GPR137C: variants seen among roughly 807,000 people sequenced by gnomAD.
GPR137C encodes integral membrane protein GPR137C.
GPR137C carries 27 observed loss-of-function variants against 43.4 expected under a neutral mutation model. The ratio of observed to expected loss-of-function variants is 0.62; its 90% CI spans 0.46 to 0.86. The LOEUF (loss-of-function observed/expected upper bound fraction) is 0.86, where lower values mean the gene tolerates loss of function less well. Among genes scored for constraint, GPR137C ranks in the 40% least tolerant of loss-of-function variants. GPR137C has a pLI of 0.00. For missense variants in GPR137C, 522 were observed against 534.6 expected (o/e 0.98, Z 0.23); for synonymous variants, 285 against 226.9 (o/e 1.26, Z -2.30).
chr14:52,598,633 T>G (rs776889185), intron 2 of GPR137C, among the ~76,000 whole-genome samples: 3 of 152,166 alleles, frequency 2.0e-5, no homozygotes, highest in Non-Finnish European at 4.4e-5. Context: ...AAAGTTAGAT[T>G]ATGCTGTTTG....
Position 52,560,646 on chromosome 14 carries a change from G to T in GPR137C, c.444+7055G>T, listed in dbSNP as rs954660182. On this transcript the variant is annotated intron_variant, in intron 1 of 6. Transcript: ENST00000321662. ...GATTTTTTTCCCCAAAAGTGCCAAG[G>T]TAATTTAGTGGGGAAAAGTTTTGTC... Among the ~76,000 whole-genome samples, 9 of 152,246 alleles carry T rather than the reference G, an allele frequency of 5.9e-5. No individual in the cohort carries two copies. The South Asian group carries it at 8.3e-4, about 14-fold the overall frequency.
chr14:52,616,574 G>T (rs114189548), intron 3 of GPR137C, among the ~76,000 whole-genome samples: 1 of 152,104 alleles, frequency 6.6e-6, no homozygotes, highest in East Asian at 1.9e-4. Flanking sequence ...AGTTACAGGC[G>T]TGAGGCACTG....
At chr14:52,612,803 T>G (rs1183842214) in intron 3 of GPR137C, 2 of 151,784 alleles carry the variant, frequency 1.3e-5, no homozygotes, top group African/African-American at 4.8e-5. Context: ...TGGCCTCAGA[T>G]GATCCTGTCA....
chr14:52,629,440 G>A (rs1162168663), intron 3 of GPR137C, among the ~76,000 whole-genome samples: 1 of 152,122 alleles, frequency 6.6e-6, no homozygotes, highest in Non-Finnish European at 1.5e-5. Flanking sequence ...GGGACTTCAG[G>A]TGCTAAAACC....
chr14:52,631,272 C>G (rs567930063), intron 3 of GPR137C, among the ~76,000 whole-genome samples: 2 of 152,252 alleles, frequency 1.3e-5, no homozygotes, highest in South Asian at 4.1e-4. Context: ...GGAGGATTCT[C>G]CTGTGACTTG....
chr14:52,593,337 T>G (rs987023281), intron 1 of GPR137C, among the ~76,000 whole-genome samples: 1 of 152,218 alleles, frequency 6.6e-6, no homozygotes, highest in African/African-American at 2.4e-5. Context: ...GGGATGATGC[T>G]GGCCCCATAA....
At chr14:52,573,588 A>G (rs1339526228) in intron 1 of GPR137C, among the ~76,000 whole-genome samples, 1 of 152,206 alleles carries the variant, frequency 6.6e-6, no homozygotes, top group Non-Finnish European at 1.5e-5. Flanking sequence ...TGGATTGAAG[A>G]CTTAAACGTA....
chr14:52,633,230 C>G (rs2039314147), intron 4 of GPR137C, among the ~76,000 whole-genome samples: 2 of 152,004 alleles, frequency 1.3e-5, no homozygotes, highest in Admixed American at 1.3e-4. Flanking sequence ...AAAAGTCACT[C>G]TCTTTAGATT....
rs2038105686 is a variant in GPR137C at position 52,553,099 on chromosome 14, G to A, written c.-49G>A. 1.3e-5 allele frequency: 14 copies of A among 1,060,874 alleles called. No individual in the cohort carries two copies. The South Asian group carries it at 4.2e-4, about 32-fold the overall frequency. The allele number at this position is 1,060,874 out of a possible 1,614,324, so 65.7% of individuals were successfully genotyped here. A position where few individuals can be genotyped will look rare whatever the true frequency, so the allele number is the denominator to read the frequency against. ...TTCTCCCCTTCGACGGCGGCTCCGA[G>A]TCCAGCCCCTTCCTTCCCGCGCTCG... On this transcript the variant is annotated 5_prime_UTR_variant, in exon 1 of 7. Coordinates refer to ENST00000321662, the MANE Select transcript of GPR137C (RefSeq NM_001099652.2).
intron 1 of GPR137C, among the ~76,000 whole-genome samples, chr14:52,565,495 G>A (rs1311080893): frequency 6.6e-6 from 1 of 152,098 alleles, no homozygotes. Context: ...TGCCATCTAT[G>A]TCTGCTTTGC....
intron 1 of GPR137C, among the ~76,000 whole-genome samples, chr14:52,592,129 G>C (rs905592524): frequency 6.6e-6 from 1 of 152,116 alleles, no homozygotes; most frequent in Non-Finnish European, 1.5e-5. Context: ...AAGATCAGAT[G>C]GTTGTAGATG....
At chr14:52,608,057 T>C (rs1360500575) in intron 3 of GPR137C, among the ~76,000 whole-genome samples, 1 of 152,190 alleles carries the variant, frequency 6.6e-6, no homozygotes, top group Non-Finnish European at 1.5e-5. Flanking sequence ...TGTTTTTTAA[T>C]CCATTTTGCC....
intron 1 of GPR137C, among the ~76,000 whole-genome samples, chr14:52,578,213 C>G (rs1210926673): frequency 6.6e-6 from 1 of 152,164 alleles, no homozygotes; most frequent in East Asian, 1.9e-4. Context: ...AACTTACTAA[C>G]ATGTATTTTT....
chr14:52,585,928 T>C (rs1351208171), intron 1 of GPR137C, among the ~76,000 whole-genome samples: 1 of 152,162 alleles, frequency 6.6e-6, no homozygotes, highest in African/African-American at 2.4e-5. Flanking sequence ...AAAAGCAATG[T>C]CTTTTTGCTG....
intron 3 of GPR137C, among the ~76,000 whole-genome samples, chr14:52,618,682 G>A (rs1183506696): frequency 4.0e-5 from 6 of 151,824 alleles, no homozygotes; most frequent in Non-Finnish European, 7.4e-5. Context: ...ACATTAAAAC[G>A]CATGCTAATA....
chr14:52,561,340 G>A (rs550443319), intron 1 of GPR137C, among the ~76,000 whole-genome samples: 1 of 152,296 alleles, frequency 6.6e-6, no homozygotes, highest in South Asian at 2.1e-4. Context: ...AGGCGTGGTG[G>A]CACAGGCCTA....
chr14:52,634,977 G>A lies in GPR137C; in HGVS notation c.1152G>A (p.Met384Ile), dbSNP rs1355408528. 6.2e-7 allele frequency: 1 copy of A among 1,612,548 alleles called. No individual in the cohort carries two copies. Residue 384 changes from methionine to isoleucine, a missense_variant, in exon 7 of 7, where the codon ATG (methionine) becomes ATA (isoleucine). Met to Ile is a conservative substitution (Grantham distance 10). Transcript: ENST00000321662. ...AAAGTTTGGGCTGGTATGGCACCAT[G>A]ACTGGGTGTGGCAGCAGCAGTTACA... The part of the protein sequence containing the change: ...NSQSLGWYGT[M>I]TGCGSSSYTV...
At chr14:52,591,387 A>C (rs1270006894) in intron 1 of GPR137C, among the ~76,000 whole-genome samples, 1 of 152,144 alleles carries the variant, frequency 6.6e-6, no homozygotes, top group Non-Finnish European at 1.5e-5. Flanking sequence ...CTAGTTCCAG[A>C]TCCTTGAGGA....
At chr14:52,634,792 C>A in intron 6 of GPR137C, 146 bp from the exon 7 acceptor site, 1 of 671,462 alleles carries the variant, frequency 1.5e-6, no homozygotes, top group Non-Finnish European at 2.5e-6. Context: ...TGTAGAAAAG[C>A]ATTTTGTTAT....
Sources: allele counts gnomAD v4.1 joint callset (sites outside exome capture counted in the v4.1 genomes callset), GRCh38; gene constraint gnomAD v4.1.1; transcripts MANE v1.5; gene names NCBI Gene and HGNC (gene_info 2026-07-23, HGNC 2026-07-21).